The following IFI35 variants were observed in gnomAD, a reference collection of about 807,000 sequenced individuals.
IFI35 encodes interferon induced protein 35, also known as interferon-induced 35 kDa protein.
In IFI35, 30 loss-of-function variants were observed where a neutral mutation model predicts 28.6. The ratio of observed to expected loss-of-function variants is 1.05; its 90% CI spans 0.79 to 1.43. The LOEUF is 1.43. Among genes scored for constraint, IFI35 ranks in the 40% most tolerant of loss-of-function variants. The pLI is 0.00. For missense variants in IFI35, 372 were observed against 356.9 expected, an observed-to-expected ratio of 1.04 and a Z score of -0.34; for synonymous variants, 146 against 154.8, an observed-to-expected ratio of 0.94 and a Z score of 0.42.
At position 43,013,232 on chromosome 17, in the gene IFI35, G is replaced by A. The variant is rs1191538312; in HGVS notation, c.269-35G>A. 4.3e-6 allele frequency: 7 copies of A among 1,613,920 alleles called. No individual in the cohort carries two copies. In the Admixed American group the frequency reaches 8.3e-5, roughly 19 times the overall value. ...GGAGCCTCAGGAGGGAGGTGGGGAG[G>A]GTTCCCAGTACTGACCCTGTTTCCC... On this transcript the variant is annotated intron_variant, in intron 3 of 6. Transcript: ENST00000415816.
At chr17:43,007,005 A>G (rs772125409) in intron 1 of IFI35, 37 bp downstream of exon 1, 2 of 1,610,144 alleles carry the variant, frequency 1.2e-6, no homozygotes, top group South Asian at 1.1e-5. Context: ...GTGGGGAAAC[A>G]GGAGTAATCC....
Position 43,013,511 on chromosome 17 carries a change from C to A in IFI35, c.411C>A (p.Val137=). 1 of 1,613,988 alleles carries A rather than the reference C, an allele frequency of 6.2e-7. No individual in the cohort carries two copies. The highest frequency in any genetic ancestry group is 1.1e-5 in the South Asian group (1 of 91,022). The change falls in exon 5 of 7, where the codon GTC becomes GTA. Residue 137 remains valine (V), a synonymous_variant. Transcript: ENST00000415816. ...AGTTGAGTGGCCGGAGGGTGTTGGT[C>A]ACTGGATTTCCTGCCAGCCTCAGGC... ...SSQLSGRRVL[V]TGFPASLRLS...
rs1301866217 is a variant in IFI35, at chr17:43,013,180, T to C, written c.254T>C (p.Phe85Ser). The C allele has an allele frequency of 1.2e-6, 2 of 1,613,944 alleles. No homozygotes were observed. Among genetic ancestry groups the C allele is most frequent in the East Asian group, 2.2e-5 (1 of 44,884 alleles). ...PLLAGSALIT[F>S]DDPKVAEQVL... ...CTTGCGGGCTCTGCTCTGATCACCT[T>C]TGATGACCCCAAAGGTAAGCTCATG... The change falls in exon 3 of 7, where the codon TTT (phenylalanine) becomes TCT (serine). Residue 85 changes from phenylalanine (F) to serine (S), a missense_variant. Coordinates refer to ENST00000415816, the MANE Select transcript of IFI35 (RefSeq NM_001330230.2).
At chr17:43,007,323 A>G (rs972814606) in intron 1 of IFI35, among the ~76,000 whole-genome samples, 5 of 151,904 alleles carry the variant, frequency 3.3e-5, no homozygotes, top group Non-Finnish European at 7.4e-5. Context: ...TTGGCAATAC[A>G]GTGAAAATCC....
chr17:43,011,963 G>C (rs371313436), intron 1 of IFI35: 127 of 382,408 alleles, frequency 3.3e-4, no homozygotes, highest in Admixed American at 1.2e-3. Context: ...CGCTGCAAAG[G>C]CTCCTGCCCT....
Position 43,014,153 on chromosome 17 carries a change from C to T in IFI35, c.715C>T (p.Pro239Ser). 3 of 1,614,110 alleles carry T rather than the reference C, an allele frequency of 1.9e-6. No homozygotes were observed. Among genetic ancestry groups the T allele is most frequent in the Non-Finnish European group, 2.5e-6 (3 of 1,180,004 alleles). Residue 239 changes from proline (P) to serine (S), a missense_variant, in exon 7 of 7, where the codon CCT (proline) becomes TCT (serine). By Grantham distance (74) the Pro-to-Ser change is moderately conservative (BLOSUM62 -1). Transcript: ENST00000415816. ...CCGCTCGGTACTGGTGCTCAACATT[C>T]CTGATATCTTGGATGGCCCGGAGCT... ...VPRSVLVLNI[P>S]DILDGPELHD...
At position 43,013,103 on chromosome 17, in the gene IFI35, C is replaced by A. The variant is rs2050477093; in HGVS notation, c.177C>A (p.Asp59Glu). Residue 59 changes from aspartate to glutamate, a missense_variant, in exon 3 of 7, where the codon GAC (aspartate) becomes GAA (glutamate). Asp to Glu is a conservative substitution (Grantham distance 45). Coordinates refer to ENST00000415816, the MANE Select transcript of IFI35 (RefSeq NM_001330230.2). Reference sequence around the variant, plus strand: ...TATTCCGAGGACACACCCAGCAGGACCCGGAAGTGCCTAAGTCTTTAGTTT... The same window carrying A: ...TATTCCGAGGACACACCCAGCAGGAACCGGAAGTGCCTAAGTCTTTAGTTT... ...PLVFRGHTQQDPEVPKSLVSN... is the reference protein window; with the variant it reads ...PLVFRGHTQQEPEVPKSLVSN... 1 of 1,614,090 alleles carries A rather than the reference C, an allele frequency of 6.2e-7. No homozygotes were observed.
chr17:43,012,019 G>T (rs2050463207), intron 1 of IFI35, 160 bp from the exon 2 acceptor site: 1 of 470,092 alleles, frequency 2.1e-6, no homozygotes. Flanking sequence ...GGGTGGAGGG[G>T]GCCAAGACCA....
rs141921308 is a variant in IFI35, at chr17:43,013,159, C to A, written c.233C>A (p.Ala78Glu). The change falls in exon 3 of 7, where the codon GCG (alanine) becomes GAG (glutamate). Residue 78 changes from alanine to glutamate, a missense_variant. By Grantham distance (107) the Ala-to-Glu change is moderately radical. Transcript: ENST00000415816. Reference protein sequence around the residue: ...SNLRIHCPLLAGSALITFDDP... With the variant: ...SNLRIHCPLLEGSALITFDDP... ...TTGCGGATCCACTGCCCTCTGCTTG[C>A]GGGCTCTGCTCTGATCACCTTTGAT... 6.2e-7 allele frequency: 1 copy of A among 1,613,906 alleles called. No homozygotes were observed. Among genetic ancestry groups the A allele is most frequent in the South Asian group, 1.1e-5 (1 of 91,078 alleles).
At chr17:43,013,693 G>A in intron 5 of IFI35, 31 bp downstream of exon 5, 1 of 1,612,064 alleles carries the variant, frequency 6.2e-7, no homozygotes, top group South Asian at 1.1e-5. Context: ...CTGCAGGGGA[G>A]AGGGTATAGG....
Position 43,014,185 on chromosome 17 carries a change from C to A in IFI35, c.747C>A (p.Asp249Glu), listed in dbSNP as rs751620948. Residue 249 changes from aspartate (D) to glutamate (E), a missense_variant, in exon 7 of 7, where the codon GAC becomes GAA. Physicochemically the swap from Asp to Glu is conservative, Grantham distance 45 (BLOSUM62 2). Coordinates refer to ENST00000415816, the MANE Select transcript of IFI35 (RefSeq NM_001330230.2). ...TCTTGGATGGCCCGGAGCTGCATGACGTCCTGGAGATCCACTTCCAGAAGC... is the reference window on the plus strand; with the variant it reads ...TCTTGGATGGCCCGGAGCTGCATGAAGTCCTGGAGATCCACTTCCAGAAGC... Reference protein sequence around the residue: ...PDILDGPELHDVLEIHFQKPT... With the variant: ...PDILDGPELHEVLEIHFQKPT... The A allele has an allele frequency of 6.2e-7, 1 of 1,613,970 alleles. No homozygotes were observed. The highest frequency in any genetic ancestry group is 1.7e-5 in the Admixed American group (1 of 59,988).
intron 1 of IFI35, 152 bp from the exon 2 acceptor site, chr17:43,012,027 C>G (rs907866649): frequency 1.2e-5 from 6 of 489,464 alleles, no homozygotes; most frequent in Non-Finnish European, 1.4e-5. Context: ...GGGGCCAAGA[C>G]CAGCCCAGGG....
chr17:43,012,873 T>A, intron 2 of IFI35, 174 bp from the exon 3 acceptor site: 1 of 689,832 alleles, frequency 1.4e-6, no homozygotes, highest in East Asian at 2.5e-5. Flanking sequence ...AATTAAGATG[T>A]TGTATGTAAA....
At chr17:43,011,953 C>T (rs1038801811) in intron 1 of IFI35, 6 of 360,864 alleles carry the variant, frequency 1.7e-5, no homozygotes, top group East Asian at 4.6e-5. Context: ...AAGTCATGGA[C>T]GCTGCAAAGG....
intron 6 of IFI35, 22 bp from the exon 7 acceptor site, chr17:43,014,086 C>G: frequency 6.2e-7 from 1 of 1,610,524 alleles, no homozygotes; most frequent in Non-Finnish European, 8.5e-7. Context: ...GAGCCTTTGC[C>G]ATCTCCTGGC....
chr17:43,014,173 G>A lies in IFI35; in HGVS notation c.735G>A (p.Pro245=), dbSNP rs967809897. The A allele has an allele frequency of 9.3e-6, 15 of 1,613,950 alleles. No homozygotes were observed. The highest frequency in any genetic ancestry group is 8.3e-5 in the Admixed American group (5 of 59,984). The change falls in exon 7 of 7, where the codon CCG becomes CCA. Residue 245 remains proline, a synonymous_variant. Coordinates refer to ENST00000415816, the MANE Select transcript of IFI35 (RefSeq NM_001330230.2). The part of the protein sequence containing the change: ...VLNIPDILDG[P]ELHDVLEIHF... ...ACATTCCTGATATCTTGGATGGCCC[G>A]GAGCTGCATGACGTCCTGGAGATCC...
chr17:43,007,325 T>A (rs1256125959), intron 1 of IFI35, among the ~76,000 whole-genome samples: 2 of 151,974 alleles, frequency 1.3e-5, no homozygotes, highest in Non-Finnish European at 2.9e-5. Flanking sequence ...GGCAATACAG[T>A]GAAAATCCGT....
intron 1 of IFI35, among the ~76,000 whole-genome samples, chr17:43,007,847 TTATA>T (rs68028192): frequency 1.2e-3 from 140 of 118,886 alleles, no homozygotes; most frequent in Non-Finnish European, 1.5e-3. Context: ...CACACAAAAT[TTATA>T]TATATATATA....
chr17:43,014,086 C>T (rs2050496685), intron 6 of IFI35, 22 bp from the exon 7 acceptor site: 1 of 1,610,524 alleles, frequency 6.2e-7, no homozygotes, highest in Non-Finnish European at 8.5e-7. Context: ...GAGCCTTTGC[C>T]ATCTCCTGGC....
Sources: allele counts gnomAD v4.1 joint callset (sites outside exome capture counted in the v4.1 genomes callset), GRCh38; gene constraint gnomAD v4.1.1; transcripts MANE v1.5; gene names NCBI Gene and HGNC (gene_info 2026-07-23, HGNC 2026-07-21).